ZNF385C: variants seen among roughly 807,000 people sequenced by gnomAD.
The protein encoded by ZNF385C is zinc finger protein 385C.
In ZNF385C, 28 loss-of-function variants were observed where a neutral mutation model predicts 35.4. The observed-to-expected ratio is 0.79, with a 90% CI of 0.59 to 1.08. The LOEUF is 1.08. Ranked by LOEUF, ZNF385C falls within the 50% of genes least tolerant of loss-of-function variation. The pLI, the probability that ZNF385C is intolerant of heterozygous loss-of-function variation, is 0.00. For missense variants in ZNF385C, 605 were observed against 595.6 expected (o/e 1.02, Z -0.16); for synonymous variants, 248 against 248.2 (o/e 1.00, Z 0.01).
intron 5 of ZNF385C, among the ~76,000 whole-genome samples, chr17:42,030,377 A>T (rs542576182): frequency 7.9e-5 from 12 of 152,192 alleles, no homozygotes; most frequent in Admixed American, 7.9e-4. Flanking sequence ...AGTCCCAGCT[A>T]CTTGGAAGGC....
chr17:42,033,978 G>A (rs930982964), intron 4 of ZNF385C, among the ~76,000 whole-genome samples: 3 of 152,086 alleles, frequency 2.0e-5, no homozygotes, highest in Admixed American at 2.0e-4. Flanking sequence ...GAGAGGCCTG[G>A]GGGGAAGGAA....
intron 1 of ZNF385C, among the ~76,000 whole-genome samples, chr17:42,083,779 T>C (rs561423981): frequency 1.4e-4 from 17 of 125,168 alleles, no homozygotes; most frequent in African/African-American, 4.8e-4. Flanking sequence ...AGTGCAATGG[T>C]GCGATCTCAG....
intron 1 of ZNF385C, among the ~76,000 whole-genome samples, chr17:42,092,855 A>G (rs1222144681): frequency 6.7e-6 from 1 of 148,988 alleles, no homozygotes; most frequent in Non-Finnish European, 1.5e-5. Flanking sequence ...GACTGAACAG[A>G]GCTGAGATCA....
chr17:42,044,619 A>G (rs2053111008), intron 2 of ZNF385C, among the ~76,000 whole-genome samples: 1 of 150,924 alleles, frequency 6.6e-6, no homozygotes. Flanking sequence ...TCTGTCTCAA[A>G]AAAAAAAAAA....
intron 5 of ZNF385C, among the ~76,000 whole-genome samples, chr17:42,029,488 G>A (rs1293047075): frequency 6.6e-6 from 1 of 152,210 alleles, no homozygotes; most frequent in Non-Finnish European, 1.5e-5. Flanking sequence ...GGAGGCCGAG[G>A]CAGGTGGATC....
intron 1 of ZNF385C, among the ~76,000 whole-genome samples, chr17:42,073,531 T>C (rs947869915): frequency 2.0e-5 from 3 of 152,076 alleles, no homozygotes; most frequent in Non-Finnish European, 4.4e-5. Context: ...AGGCACTGTC[T>C]CTGGAGGTCA....
intron 2 of ZNF385C, among the ~76,000 whole-genome samples, chr17:42,058,927 G>A (rs2053420613): frequency 6.6e-6 from 1 of 152,324 alleles, no homozygotes; most frequent in South Asian, 2.1e-4. Flanking sequence ...AAAGTGTTGG[G>A]ATGACAGGCA....
chr17:42,033,835 A>G (rs914163711), intron 4 of ZNF385C, among the ~76,000 whole-genome samples: 3 of 152,298 alleles, frequency 2.0e-5, no homozygotes, highest in African/African-American at 7.2e-5. Flanking sequence ...GGGGATGGGC[A>G]TGATCACATT....
chr17:42,035,113 T>C (rs1555655309), intron 3 of ZNF385C, among the ~76,000 whole-genome samples: 1 of 64,372 alleles, frequency 1.6e-5, no homozygotes, highest in Non-Finnish European at 2.8e-5. Flanking sequence ...AGTGAGACTC[T>C]GTCTCAAAAA....
intron 1 of ZNF385C, among the ~76,000 whole-genome samples, chr17:42,089,984 C>T (rs1033367938): frequency 5.3e-5 from 8 of 152,290 alleles, no homozygotes; most frequent in African/African-American, 1.9e-4. Flanking sequence ...TTCAAAACAT[C>T]CTTCGGGTCA....
intron 1 of ZNF385C, among the ~76,000 whole-genome samples, chr17:42,088,072 C>T (rs781806845): frequency 6.6e-6 from 1 of 152,090 alleles, no homozygotes. Context: ...CTTAGAGGGT[C>T]GTTATGAGGA....
chr17:42,026,707 C>T lies in ZNF385C; in HGVS notation c.*190G>A. 1 of 639,060 alleles carries T rather than the reference C, an allele frequency of 1.6e-6. No individual in the cohort carries two copies. The allele number at this position is 639,060 out of a possible 1,614,324, so 39.6% of individuals were successfully genotyped here. A position where few individuals can be genotyped will look rare whatever the true frequency, so the allele number is the denominator to read the frequency against. ...CAAGCCTAGGATTAACCCTGGAAGG[C>T]CTGCGAAAGGAGGGTGGGGACAGTC... On this transcript the variant is annotated 3_prime_UTR_variant, in exon 9 of 9. Transcript: ENST00000692273.
intron 2 of ZNF385C, chr17:42,040,796 A>G: frequency 8.1e-7 from 1 of 1,232,314 alleles, no homozygotes; most frequent in Non-Finnish European, 1.0e-6. Flanking sequence ...ATGCTCTCAT[A>G]TTGACCCAAG....
intron 1 of ZNF385C, among the ~76,000 whole-genome samples, chr17:42,070,468 G>A (rs900075121): frequency 2.0e-5 from 3 of 152,244 alleles, no homozygotes; most frequent in African/African-American, 7.2e-5. Context: ...GGAGGCCAAG[G>A]TATATGATTC....
chr17:42,026,720 G>T lies in ZNF385C; in HGVS notation c.*177C>A. ...AACCCTGGAAGGCCTGCGAAAGGAGGGTGGGGACAGTCCTTGGAAGGCAGC... is the reference window on the plus strand; with the variant it reads ...AACCCTGGAAGGCCTGCGAAAGGAGTGTGGGGACAGTCCTTGGAAGGCAGC... On this transcript the variant is annotated 3_prime_UTR_variant, in exon 9 of 9. Transcript: ENST00000692273. 1 of 681,146 alleles carries T rather than the reference G, an allele frequency of 1.5e-6. No homozygotes were observed. Among genetic ancestry groups the T allele is most frequent in the Admixed American group, 2.3e-5 (1 of 42,824 alleles). The allele number at this position is 681,146 out of a possible 1,614,324, so 42.2% of individuals were successfully genotyped here. A position where few individuals can be genotyped will look rare whatever the true frequency, so the allele number is the denominator to read the frequency against.
intron 1 of ZNF385C, among the ~76,000 whole-genome samples, chr17:42,084,897 G>A (rs2053789932): frequency 6.6e-6 from 1 of 152,136 alleles, no homozygotes; most frequent in Non-Finnish European, 1.5e-5. Flanking sequence ...GATTACAGGT[G>A]TGAGCCACCA....
chr17:42,078,814 G>A (rs569804460), intron 1 of ZNF385C, among the ~76,000 whole-genome samples: 2 of 152,228 alleles, frequency 1.3e-5, no homozygotes, highest in South Asian at 4.1e-4. Flanking sequence ...GTGGGGGAGA[G>A]AGGTGAGCAT....
At chr17:42,071,470 CAG>C (rs1454042162) in intron 1 of ZNF385C, among the ~76,000 whole-genome samples, 29 of 152,166 alleles carry the variant, frequency 1.9e-4, no homozygotes, top group Admixed American at 1.9e-3. Context: ...CCCCCAAAGA[CAG>C]GGGCTGGCTC....
chr17:42,083,047 A>T (rs2053765524), intron 1 of ZNF385C, among the ~76,000 whole-genome samples: 1 of 152,118 alleles, frequency 6.6e-6, no homozygotes, highest in African/African-American at 2.4e-5. Context: ...ACTGCACTCC[A>T]GCATGGGCAA....
Sources: gnomAD v4.1 joint callset for allele counts (sites outside exome capture counted in the v4.1 genomes callset) on GRCh38, gnomAD v4.1.1 for gene constraint, MANE v1.5 for transcripts, NCBI Gene and HGNC (gene_info 2026-07-23, HGNC 2026-07-21) for gene names.